The following SPHKAP variants were observed in gnomAD, a reference collection of about 807,000 sequenced individuals.
The protein encoded by SPHKAP is A-kinase anchor protein SPHKAP.
In SPHKAP, 67 loss-of-function variants were observed where a neutral mutation model predicts 137.5. That is an observed-to-expected ratio of 0.49 (90% CI 0.40 to 0.60). The LOEUF is 0.60. Among genes scored for constraint, SPHKAP ranks in the 20% least tolerant of loss-of-function variants. SPHKAP has a pLI of 0.00. For missense variants in SPHKAP, 2,097 were observed against 2,069.3 expected, an observed-to-expected ratio of 1.01 and a Z score of -0.26; for synonymous variants, 813 against 785.3, an observed-to-expected ratio of 1.04 and a Z score of -0.59.
At chr2:228,048,255 T>G (rs1403542219) in intron 3 of SPHKAP, among the ~76,000 whole-genome samples, 1 of 151,640 alleles carries the variant, frequency 6.6e-6, no homozygotes, top group Non-Finnish European at 1.5e-5. Context: ...TAAAACTCAG[T>G]CACTTCTTTG....
intron 1 of SPHKAP, among the ~76,000 whole-genome samples, chr2:228,150,851 A>G (rs1318490439): frequency 2.6e-5 from 4 of 152,030 alleles, no homozygotes; most frequent in Admixed American, 2.6e-4. Context: ...CCTTGGCTCA[A>G]GCAATCCTCA....
chr2:228,039,497 T>C (rs920772850), intron 3 of SPHKAP, among the ~76,000 whole-genome samples: 9 of 152,224 alleles, frequency 5.9e-5, no homozygotes, highest in African/African-American at 2.2e-4. Flanking sequence ...CTCTTATTTA[T>C]GACTCTCTTT....
intron 7 of SPHKAP, among the ~76,000 whole-genome samples, chr2:228,016,181 C>T (rs529350706): frequency 2.0e-5 from 3 of 151,246 alleles, no homozygotes; most frequent in Admixed American, 6.6e-5. Flanking sequence ...TTTTATTACA[C>T]TTTAAATTTT....
Position 228,143,402 on chromosome 2 carries a change from G to A in SPHKAP, c.33-11317C>T, listed in dbSNP as rs949637450. 2.0e-5 allele frequency among the ~76,000 whole-genome samples: 3 copies of A among 151,786 alleles called. No individual in the cohort carries two copies. In the East Asian group the frequency reaches 5.8e-4, roughly 29 times the overall value. On this transcript the variant is annotated intron_variant, in intron 1 of 11. Transcript: ENST00000392056. ...ATGAAATATATGTATATAGAGACAG[G>A]GCTGGATCCTGTCTCTAAAATAATA...
rs34531138 is a variant in SPHKAP at position 228,011,229 on chromosome 2, CTTTT to C, written c.4448+5173_4448+5176del. The stretch of plus-strand genomic sequence containing the variant: ...CCAGAGCTTGAACCCTCAAAGATGC[CTTTT>C]TTTTTTTTTTTTAATCAGTTCACTC... On this transcript the variant is annotated intron_variant, in intron 7 of 11. Coordinates refer to ENST00000392056, the MANE Select transcript of SPHKAP (RefSeq NM_001142644.2). 4.1e-3 allele frequency among the ~76,000 whole-genome samples: 593 copies of C among 145,810 alleles called. 5 individuals are homozygous for C. Among genetic ancestry groups the C allele is most frequent in the African/African-American group, 0.014 (554 of 39,652 alleles).
At chr2:228,100,766 T>G (rs992833192) in intron 3 of SPHKAP, among the ~76,000 whole-genome samples, 8 of 152,320 alleles carry the variant, frequency 5.3e-5, no homozygotes, top group African/African-American at 1.7e-4. Flanking sequence ...GGGGTTTTTT[T>G]GCATCTATGT....
chr2:228,174,304 T>C (rs1305692880), intron 1 of SPHKAP, among the ~76,000 whole-genome samples: 1 of 127,604 alleles, frequency 7.8e-6, no homozygotes, highest in Non-Finnish European at 1.5e-5. Flanking sequence ...GGCAGGAACC[T>C]TTTTTTTTTT....
At chr2:228,141,512 G>A (rs1272201908) in intron 1 of SPHKAP, among the ~76,000 whole-genome samples, 2 of 152,098 alleles carry the variant, frequency 1.3e-5, no homozygotes, top group African/African-American at 2.4e-5. Flanking sequence ...TGAATAAATT[G>A]CATAAATATT....
At chr2:228,044,136 A>G (rs959378954) in intron 3 of SPHKAP, among the ~76,000 whole-genome samples, 2 of 152,194 alleles carry the variant, frequency 1.3e-5, no homozygotes, top group African/African-American at 4.8e-5. Flanking sequence ...AACCTCTCCA[A>G]GAAGCCTCAG....
chr2:228,126,894 AT>A (rs1216733268), intron 2 of SPHKAP, among the ~76,000 whole-genome samples: 2 of 152,196 alleles, frequency 1.3e-5, no homozygotes, highest in Non-Finnish European at 2.9e-5. Context: ...GAGATTCATT[AT>A]GAAACATGTG....
chr2:228,130,984 C>A (rs796078522), intron 2 of SPHKAP, among the ~76,000 whole-genome samples: 1 of 152,058 alleles, frequency 6.6e-6, no homozygotes, highest in African/African-American at 2.4e-5. Context: ...TTCTACCTTT[C>A]TGTAATAAGT....
intron 2 of SPHKAP, among the ~76,000 whole-genome samples, chr2:228,114,356 G>A (rs1186869244): frequency 6.6e-6 from 1 of 152,032 alleles, no homozygotes; most frequent in Non-Finnish European, 1.5e-5. Context: ...ATAGACTTTG[G>A]ACACAGCCCC....
intron 3 of SPHKAP, among the ~76,000 whole-genome samples, chr2:228,036,924 C>A (rs1342741322): frequency 1.3e-5 from 2 of 151,966 alleles, no homozygotes; most frequent in Non-Finnish European, 2.9e-5. Context: ...AGGACATATA[C>A]CTAATGCTAA....
At chr2:228,085,534 C>A (rs1697509330) in intron 3 of SPHKAP, among the ~76,000 whole-genome samples, 1 of 152,196 alleles carries the variant, frequency 6.6e-6, no homozygotes, top group South Asian at 2.1e-4. Context: ...ATTTAACACC[C>A]TTTGACAATT....
intron 7 of SPHKAP, among the ~76,000 whole-genome samples, chr2:228,009,855 T>C (rs1694299602): frequency 6.6e-6 from 1 of 152,204 alleles, no homozygotes; most frequent in African/African-American, 2.4e-5. Flanking sequence ...GTAACATGGA[T>C]TCTTCACTCT....
chr2:228,120,300 A>G (rs1041222241), intron 2 of SPHKAP, among the ~76,000 whole-genome samples: 3 of 152,190 alleles, frequency 2.0e-5, no homozygotes, highest in African/African-American at 7.2e-5. Flanking sequence ...GTCCTTATCT[A>G]TGAAATGCTT....
chr2:228,133,328 A>G (rs1326100329), intron 1 of SPHKAP, among the ~76,000 whole-genome samples: 1 of 151,318 alleles, frequency 6.6e-6, no homozygotes, highest in Non-Finnish European at 1.5e-5. Context: ...TAAATAAATA[A>G]ATAAATAAAT....
At position 228,177,413 on chromosome 2, in the gene SPHKAP, G is replaced by T. The variant is rs56282721; in HGVS notation, c.32+4154C>A. On this transcript the variant is annotated intron_variant, in intron 1 of 11. Transcript: ENST00000392056. Reference sequence around the variant, plus strand: ...CCCACAGCTCAGTGCTGGCCTTGAGGACAGTATGTATTCCAAGACAGAGAA... The same window carrying T: ...CCCACAGCTCAGTGCTGGCCTTGAGTACAGTATGTATTCCAAGACAGAGAA... 1.3e-3 allele frequency among the ~76,000 whole-genome samples: 205 copies of T among 152,242 alleles called. 1 individual carries two copies. The highest frequency in any genetic ancestry group is 4.9e-3 in the African/African-American group (202 of 41,544).
chr2:228,053,068 C>G (rs11691806), intron 3 of SPHKAP, among the ~76,000 whole-genome samples: 6,719 of 152,168 alleles, frequency 0.044, 243 homozygotes, highest in Non-Finnish European at 0.059. Flanking sequence ...GATCAGGGTG[C>G]CTGCTGACTT....
Sources: gnomAD v4.1 joint callset for allele counts (sites outside exome capture counted in the v4.1 genomes callset) on GRCh38, gnomAD v4.1.1 for gene constraint, MANE v1.5 for transcripts, NCBI Gene and HGNC (gene_info 2026-07-23, HGNC 2026-07-21) for gene names.